SEMA5A: variants seen among roughly 807,000 people sequenced by gnomAD.
The protein encoded by SEMA5A is semaphorin 5A, also known as semaphorin-5A.
A neutral mutation model predicts 135.5 loss-of-function variants in SEMA5A; 55 were observed. That is an observed-to-expected ratio of 0.41 (90% confidence interval 0.33 to 0.51). SEMA5A has a LOEUF of 0.51. SEMA5A is among the 20% of genes least tolerant of loss of function. The pLI, the probability that SEMA5A is intolerant of heterozygous loss-of-function variation, is 0.37. For missense variants in SEMA5A, 1,290 were observed against 1,419.9 expected (o/e 0.91, Z 1.47); for synonymous variants, 580 against 546.5 (o/e 1.06, Z -0.85).
At chr5:9,435,187 T>C (rs1757987641) in intron 2 of SEMA5A, among the ~76,000 whole-genome samples, 1 of 152,170 alleles carries the variant, frequency 6.6e-6, no homozygotes, top group Non-Finnish European at 1.5e-5. Flanking sequence ...ACATTCTTGT[T>C]CAACAAAATT....
At chr5:9,118,976 TG>T (rs1740664121) in intron 15 of SEMA5A, 21 bp downstream of exon 15, 1 of 1,608,544 alleles carries the variant, frequency 6.2e-7, no homozygotes, top group East Asian at 2.2e-5. Context: ...CTGGCGGTGC[TG>T]GCAGCAGGGT....
chr5:9,341,558 T>C (rs1561165143), intron 3 of SEMA5A, among the ~76,000 whole-genome samples: 1 of 151,194 alleles, frequency 6.6e-6, no homozygotes, highest in African/African-American at 2.4e-5. Flanking sequence ...CCCCAGTGAG[T>C]TTACCTTTTT....
intron 5 of SEMA5A, among the ~76,000 whole-genome samples, chr5:9,262,639 C>T (rs1303430453): frequency 2.2e-5 from 1 of 44,908 alleles, no homozygotes; most frequent in Non-Finnish European, 4.3e-5. Context: ...AGTAAACTAT[C>T]GCAAGAACAA....
chr5:9,250,417 C>G (rs1748712291), intron 5 of SEMA5A, among the ~76,000 whole-genome samples: 1 of 152,098 alleles, frequency 6.6e-6, no homozygotes, highest in South Asian at 2.1e-4. Flanking sequence ...GTAACTTTAA[C>G]CTTAGACAAA....
intron 4 of SEMA5A, among the ~76,000 whole-genome samples, chr5:9,329,397 A>T (rs1366939935): frequency 1.3e-5 from 2 of 152,204 alleles, no homozygotes; most frequent in African/African-American, 4.8e-5. Flanking sequence ...ATAAAAGCAT[A>T]TTTACAAAAA....
At chr5:9,381,991 C>CGT (rs1755640791) in intron 2 of SEMA5A, among the ~76,000 whole-genome samples, 1 of 68,030 alleles carries the variant, frequency 1.5e-5, no homozygotes, top group South Asian at 5.4e-4. Flanking sequence ...TGCGCGCGCG[C>CGT]GCACATCAAG....
chr5:9,529,928 A>G (rs1737348516), intron 1 of SEMA5A, among the ~76,000 whole-genome samples: 1 of 152,186 alleles, frequency 6.6e-6, no homozygotes, highest in African/African-American at 2.4e-5. Flanking sequence ...CCCTAGGCAT[A>G]GTTCCCTGAA....
chr5:9,530,036 G>A (rs963009247), intron 1 of SEMA5A, among the ~76,000 whole-genome samples: 1 of 152,230 alleles, frequency 6.6e-6, no homozygotes, highest in South Asian at 2.1e-4. Flanking sequence ...CTGAAGAGCA[G>A]GCAAAGGCAA....
intron 2 of SEMA5A, among the ~76,000 whole-genome samples, chr5:9,431,964 G>A (rs893975126): frequency 2.0e-5 from 3 of 152,172 alleles, no homozygotes; most frequent in Admixed American, 6.5e-5. Flanking sequence ...CCTTCAGGAA[G>A]ATAACACACT....
intron 1 of SEMA5A, among the ~76,000 whole-genome samples, chr5:9,440,175 A>G (rs945104123): frequency 1.3e-5 from 2 of 152,206 alleles, no homozygotes; most frequent in African/African-American, 4.8e-5. Context: ...GGAACAGACA[A>G]TGATTCTTGC....
At chr5:9,141,327 A>C (rs1365050491) in intron 12 of SEMA5A, among the ~76,000 whole-genome samples, 1 of 152,192 alleles carries the variant, frequency 6.6e-6, no homozygotes, top group Non-Finnish European at 1.5e-5. Flanking sequence ...TTGTGTGGTA[A>C]ATATTTTTAA....
At chr5:9,315,729 C>T (rs552625218) in intron 5 of SEMA5A, among the ~76,000 whole-genome samples, 9 of 152,268 alleles carry the variant, frequency 5.9e-5, no homozygotes, top group Admixed American at 5.9e-4. Flanking sequence ...ATATCAAGGA[C>T]ATCTTGCTGC....
rs2150012098 is a variant in SEMA5A, at chr5:9,038,311, T to G, written c.*4586A>C. On this transcript the variant is annotated 3_prime_UTR_variant, in exon 23 of 23. Transcript: ENST00000382496. Reference sequence around the variant, plus strand: ...AAATGGTTATGCAGTCGCTGTTAATTTTATCAACCATTAGTACCTGTTGCC... The same window carrying G: ...AAATGGTTATGCAGTCGCTGTTAATGTTATCAACCATTAGTACCTGTTGCC... 6.6e-6 allele frequency: 1 copy of G among 152,296 alleles called. No homozygotes were observed. 9.4% of individuals were successfully genotyped at this position (152,296 alleles called of 1,614,324 possible).
intron 11 of SEMA5A, among the ~76,000 whole-genome samples, chr5:9,177,382 C>A (rs1214935819): frequency 6.6e-6 from 1 of 152,164 alleles, no homozygotes. Context: ...TATAAAGACA[C>A]AACTGTGGGA....
intron 15 of SEMA5A, among the ~76,000 whole-genome samples, chr5:9,109,675 T>G (rs558233320): frequency 1.3e-5 from 2 of 152,310 alleles, no homozygotes; most frequent in South Asian, 4.1e-4. Flanking sequence ...TCAATATTAA[T>G]AAAGGCTTAA....
chr5:9,448,809 G>A (rs771752068), intron 1 of SEMA5A, among the ~76,000 whole-genome samples: 13 of 152,250 alleles, frequency 8.5e-5, no homozygotes, highest in Admixed American at 3.9e-4. Context: ...CTCTGTGACC[G>A]TGACATGTGA....
intron 15 of SEMA5A, among the ~76,000 whole-genome samples, chr5:9,113,011 T>C (rs1340980471): frequency 2.0e-5 from 3 of 152,092 alleles, no homozygotes; most frequent in African/African-American, 4.8e-5. Context: ...CACAAGGAAA[T>C]GAAGGCTGCC....
At chr5:9,459,736 G>C (rs1338602909) in intron 1 of SEMA5A, among the ~76,000 whole-genome samples, 1 of 152,122 alleles carries the variant, frequency 6.6e-6, no homozygotes, top group African/African-American at 2.4e-5. Flanking sequence ...GTTAATATTA[G>C]TAGATAACTG....
intron 1 of SEMA5A, among the ~76,000 whole-genome samples, chr5:9,443,347 GA>G (rs1271936203): frequency 6.6e-6 from 1 of 152,072 alleles, no homozygotes; most frequent in Admixed American, 6.6e-5. Flanking sequence ...AGAGAGAGGG[GA>G]GAGGGGAGGA....
Sources: allele counts gnomAD v4.1 joint callset (sites outside exome capture counted in the v4.1 genomes callset), GRCh38; gene constraint gnomAD v4.1.1; transcripts MANE v1.5; gene names NCBI Gene and HGNC (gene_info 2026-07-23, HGNC 2026-07-21).